The following TOM1L1 variants were observed in gnomAD, a reference collection of about 807,000 sequenced individuals.
The protein encoded by TOM1L1 is target of myb1 like 1 membrane trafficking protein.
A neutral mutation model predicts 63.4 loss-of-function variants in TOM1L1; 64 were observed. The observed-to-expected ratio is 1.01, with a 90% confidence interval of 0.83 to 1.24. TOM1L1 has a LOEUF of 1.24. Among genes scored for constraint, TOM1L1 ranks in the 50% most tolerant of loss-of-function variants. The pLI is 0.00. For missense variants in TOM1L1, 536 were observed against 567.0 expected (o/e 0.95, Z 0.55); for synonymous variants, 166 against 194.4 (o/e 0.85, Z 1.22).
intron 8 of TOM1L1, among the ~76,000 whole-genome samples, chr17:54,930,981 G>A (rs2048849395): frequency 6.6e-6 from 1 of 152,064 alleles, no homozygotes; most frequent in East Asian, 1.9e-4. Context: ...TTGAGGCTGT[G>A]GTGAGCTATG....
Position 54,961,852 on chromosome 17 carries a change from T to C in TOM1L1, c.*619T>C, listed in dbSNP as rs2077132334. 4.1e-6 allele frequency: 4 copies of C among 969,486 alleles called. No homozygotes were observed. The highest frequency in any genetic ancestry group is 4.9e-6 in the Non-Finnish European group (4 of 815,272). The allele number at this position is 969,486 out of a possible 1,614,324, so 60.1% of individuals were successfully genotyped here. ...TTCTTTGTAATGCTAAATAGCCTTT[T>C]TTTCTCTTTTTACTGCAACTTAATA... On this transcript the variant is annotated 3_prime_UTR_variant, in exon 16 of 16. Transcript: ENST00000575882.
intron 7 of TOM1L1, among the ~76,000 whole-genome samples, chr17:54,922,547 A>G (rs2143820046): frequency 6.6e-6 from 1 of 152,282 alleles, no homozygotes; most frequent in Non-Finnish European, 1.5e-5. Flanking sequence ...AGGCTGCAGT[A>G]AACCGTGATT....
chr17:54,953,698 G>C (rs1232474330), intron 14 of TOM1L1: 2 of 152,320 alleles, frequency 1.3e-5, no homozygotes, highest in Non-Finnish European at 2.9e-5. Flanking sequence ...GAAGTAGTCT[G>C]TAGGGCTGCC....
chr17:54,931,828 G>A (rs967160047), intron 8 of TOM1L1, among the ~76,000 whole-genome samples: 7 of 151,870 alleles, frequency 4.6e-5, no homozygotes, highest in Admixed American at 3.9e-4. Context: ...AAAACCAGTA[G>A]CTATTAAATG....
chr17:54,933,596 C>A (rs2048899672), intron 8 of TOM1L1, among the ~76,000 whole-genome samples: 1 of 152,180 alleles, frequency 6.6e-6, no homozygotes, highest in Admixed American at 6.5e-5. Context: ...GATCTTGGCT[C>A]ACTGCAACCT....
Position 54,949,110 on chromosome 17 carries a change from A to T in TOM1L1, c.1183-408A>T, listed in dbSNP as rs147109647. ...TATATAGCATGATCATATGATCATA[A>T]CTCACTGCAGCTTCAAACCCCTAGG... On this transcript the variant is annotated intron_variant, in intron 12 of 15. Coordinates refer to ENST00000575882, the MANE Select transcript of TOM1L1 (RefSeq NM_005486.3). Among the ~76,000 whole-genome samples, 1,447 of 152,086 alleles carry T rather than the reference A, an allele frequency of 9.5e-3. 10 individuals are homozygous for T. The highest frequency in any genetic ancestry group is 0.012 in the Non-Finnish European group (797 of 67,982).
At chr17:54,901,760 C>G (rs1382951816) in intron 1 of TOM1L1, among the ~76,000 whole-genome samples, 1 of 152,002 alleles carries the variant, frequency 6.6e-6, no homozygotes, top group Admixed American at 6.6e-5. Flanking sequence ...AGTAAAGAGG[C>G]CCAGATTTGG....
intron 14 of TOM1L1, chr17:54,959,545 GAC>G: frequency 6.6e-6 from 1 of 151,418 alleles, no homozygotes; most frequent in East Asian, 1.9e-4. Flanking sequence ...GTACAGAAAT[GAC>G]AGTGATGAGC....
chr17:54,943,386 TA>T (rs1292013559), intron 11 of TOM1L1, among the ~76,000 whole-genome samples: 1 of 151,926 alleles, frequency 6.6e-6, no homozygotes, highest in Non-Finnish European at 1.5e-5. Flanking sequence ...ATTATTAGAA[TA>T]TTTTTAGTGC....
At chr17:54,955,870 TCTA>T (rs1472837380) in intron 14 of TOM1L1, among the ~76,000 whole-genome samples, 3 of 152,200 alleles carry the variant, frequency 2.0e-5, no homozygotes, top group African/African-American at 4.8e-5. Context: ...GGCAGCCGCT[TCTA>T]CTCTCCCAGA....
At position 54,915,784 on chromosome 17, in the gene TOM1L1, G is replaced by C. The variant is rs2048577675; in HGVS notation, c.642G>C (p.Met214Ile). The C allele has an allele frequency of 1.2e-6, 2 of 1,612,742 alleles. No homozygotes were observed. Among genetic ancestry groups the C allele is most frequent in the Non-Finnish European group, 1.7e-6 (2 of 1,179,460 alleles). ...ACAGTGAATTGGATATGGTGAAAAT[G>C]AATGTGCGAGTGATGTCCGCCATAT... ...KLHSELDMVK[M>I]NVRVMSAILM... Residue 214 changes from methionine (M) to isoleucine (I), a missense_variant, in exon 7 of 16, where the codon ATG becomes ATC. By Grantham distance (10) the Met-to-Ile change is conservative. Coordinates refer to ENST00000575882, the MANE Select transcript of TOM1L1 (RefSeq NM_005486.3).
In TOM1L1 at chr17:54,914,760, T is replaced by G. The variant is rs1400543524; in HGVS notation, c.603+17T>G. On this transcript the variant is annotated intron_variant, in intron 6 of 15. Coordinates refer to ENST00000575882, the MANE Select transcript of TOM1L1 (RefSeq NM_005486.3). The stretch of plus-strand genomic sequence containing the variant: ...CCAGAACAGGTAACAACAACAATCA[T>G]TGCATTTAATTGATGTCTTTTCCTG... The G allele has an allele frequency of 1.3e-6, 2 of 1,550,826 alleles. No homozygotes were observed. Among genetic ancestry groups the G allele is most frequent in the Admixed American group, 1.7e-5 (1 of 58,680 alleles).
In TOM1L1 at chr17:54,912,696, C is replaced by A; in HGVS notation, c.253C>A (p.Pro85Thr). 1 of 1,604,470 alleles carries A rather than the reference C, an allele frequency of 6.2e-7. No individual in the cohort carries two copies. Among genetic ancestry groups the A allele is most frequent in the Non-Finnish European group, 8.5e-7 (1 of 1,176,788 alleles). Residue 85 changes from proline to threonine, a missense_variant, in exon 4 of 16, where the codon CCA becomes ACA. Physicochemically the swap from Pro to Thr is conservative, Grantham distance 38. Transcript: ENST00000575882. ...TGACATGTGTGTGCAGAACTGTGGT[C>A]CAAGTTTCCAGTCTCTGATTGTGAA... Reference protein sequence around the residue: ...LIDMCVQNCGPSFQSLIVKKE... With the variant: ...LIDMCVQNCGTSFQSLIVKKE...
intron 11 of TOM1L1, among the ~76,000 whole-genome samples, chr17:54,943,701 G>A (rs551219093): frequency 4.7e-4 from 71 of 152,056 alleles, no homozygotes; most frequent in Non-Finnish European, 7.1e-4. Context: ...AACCTGGGCC[G>A]GGCGCAGTGG....
intron 8 of TOM1L1, 64 bp downstream of exon 8, chr17:54,930,270 C>T: frequency 1.3e-6 from 2 of 1,599,416 alleles, no homozygotes; most frequent in Admixed American, 3.4e-5. Flanking sequence ...AATTACTCAG[C>T]ATTCTTATCA....
chr17:54,937,485 T>C (rs1424164720), intron 10 of TOM1L1: 1 of 447,700 alleles, frequency 2.2e-6, no homozygotes, highest in African/African-American at 2.0e-5. Flanking sequence ...GCCTGCTTTG[T>C]AGAAGTTGTT....
At chr17:54,919,502 G>GGGTGTTTGGGTGCA (rs1314095493) in intron 7 of TOM1L1, among the ~76,000 whole-genome samples, 2 of 152,154 alleles carry the variant, frequency 1.3e-5, no homozygotes, top group African/African-American at 4.8e-5. Flanking sequence ...CTTTGTCTCA[G>GGGTGTTTGGGTGCA]GGTGTTTGGG....
At chr17:54,905,423 T>C in intron 2 of TOM1L1, 66 bp from the exon 3 acceptor site, 1 of 1,126,804 alleles carries the variant, frequency 8.9e-7, no homozygotes. Context: ...GCATGTTGCT[T>C]TTCAGAGAGA....
chr17:54,938,422 A>G (rs1376447531), intron 10 of TOM1L1, among the ~76,000 whole-genome samples: 1 of 133,878 alleles, frequency 7.5e-6, no homozygotes, highest in Non-Finnish European at 1.5e-5. Flanking sequence ...TGAACTCAGG[A>G]GGTGGAGGTT....
Sources: allele counts gnomAD v4.1 joint callset (sites outside exome capture counted in the v4.1 genomes callset), GRCh38; gene constraint gnomAD v4.1.1; transcripts MANE v1.5; gene names NCBI Gene and HGNC (gene_info 2026-07-23, HGNC 2026-07-21).